The following AP5Z1 variants were observed in gnomAD, a reference collection of about 807,000 sequenced individuals.
The protein encoded by AP5Z1 is adaptor related protein complex 5 subunit zeta 1.
A neutral mutation model predicts 83.0 loss-of-function variants in AP5Z1; 106 were observed. The ratio of observed to expected loss-of-function variants is 1.28; its 90% CI spans 1.09 to 1.50. AP5Z1 has a LOEUF of 1.50. Among genes scored for constraint, AP5Z1 ranks in the 40% most tolerant of loss-of-function variants. The probability of loss-of-function intolerance (pLI) is 0.00; values close to 1 mark genes in which losing one functional copy is unlikely to be tolerated. For missense variants in AP5Z1, 1,565 were observed against 1,094.2 expected (o/e 1.43, Z -6.07); for synonymous variants, 751 against 514.1 (o/e 1.46, Z -6.23).
In AP5Z1 at chr7:4,784,964, G is replaced by T. The variant is rs753059791; in HGVS notation, c.847G>T (p.Ala283Ser). Residue 283 changes from alanine (A) to serine (S), a missense_variant, in exon 7 of 17, where the codon GCC becomes TCC. Ala to Ser is a moderately conservative substitution (Grantham distance 99). Coordinates refer to ENST00000649063, the MANE Select transcript of AP5Z1 (RefSeq NM_014855.3). ...TLSVISATSS[A>S]GRLLPPRERL... ...GTCGGTGATCTCCGCCACCTCCTCT[G>T]CCGGCCGCCTGCTGCCGCCCCGGGA... The T allele has an allele frequency of 1.9e-6, 3 of 1,612,086 alleles. No individual in the cohort carries two copies. The East Asian group carries it at 6.7e-5, about 36-fold the overall frequency.
At position 4,788,265 on chromosome 7, in the gene AP5Z1, G is replaced by A. The variant is rs563984280; in HGVS notation, c.1566G>A (p.Leu522=). The A allele has an allele frequency of 1.3e-5, 20 of 1,590,954 alleles. No individual in the cohort carries two copies. The Admixed American group carries it at 1.9e-4, about 15-fold the overall frequency. ...TCCAGGGTCTTTTCCAATACCTGCT[G>A]CGCCCCAAGGCCAGTGGCGCCACTG... is the stretch of plus-strand genomic sequence containing the variant. ...PQFQGLFQYL[L]RPKASGATER... The change falls in exon 12 of 17, where the codon CTG becomes CTA. Residue 522 remains leucine (L), a synonymous_variant. Coordinates refer to ENST00000649063, the MANE Select transcript of AP5Z1 (RefSeq NM_014855.3).
rs750707781 is a variant in AP5Z1 at position 4,784,346 on chromosome 7, C to T, written c.765C>T (p.Pro255=). ...GGGCGTGGCTGCTGCACAGCGGCCC[C>T]GAGGGCCCGGGCACCCTGGACACAG... ...MLRAWLLHSG[P]EGPGTLDTDD... is the part of the protein sequence containing the mutation. The change falls in exon 6 of 17, where the codon CCC becomes CCT. Residue 255 remains proline (P), a synonymous_variant. Coordinates refer to ENST00000649063, the MANE Select transcript of AP5Z1 (RefSeq NM_014855.3). The T allele has an allele frequency of 3.7e-5, 59 of 1,590,642 alleles. No homozygotes were observed. Among genetic ancestry groups the T allele is most frequent in the Middle Eastern group, 1.7e-4 (1 of 6,030 alleles).
intron 13 of AP5Z1, among the ~76,000 whole-genome samples, chr7:4,789,545 C>G (rs143842869): frequency 1.2e-3 from 177 of 152,334 alleles, no homozygotes; most frequent in African/African-American, 3.9e-3. Flanking sequence ...TGGGCGCACC[C>G]TTGGCCAAAC....
rs756486052 is a variant in AP5Z1, at chr7:4,788,197, C to T, written c.1498C>T (p.Leu500Phe). ...CGAGAGGCCACTCTGGGACACCTCT[C>T]TCAGGGCCCCCAGCTGCCTGGAGGC... ...ASERPLWDTS[L>F]RAPSCLEAFR... Residue 500 changes from leucine to phenylalanine, a missense_variant, in exon 12 of 17, where the codon CTC (leucine) becomes TTC (phenylalanine). Coordinates refer to ENST00000649063, the MANE Select transcript of AP5Z1 (RefSeq NM_014855.3). 23 of 1,561,470 alleles carry T rather than the reference C, an allele frequency of 1.5e-5. No individual in the cohort carries two copies. The highest frequency in any genetic ancestry group is 5.9e-5 in the South Asian group (5 of 84,830).
chr7:4,791,693 C>G lies in AP5Z1; in HGVS notation c.*308C>G. The G allele has an allele frequency of 8.6e-6, 4 of 463,134 alleles. No homozygotes were observed. In the South Asian group the frequency reaches 1.2e-4, roughly 14 times the overall value. 28.7% of individuals were successfully genotyped at this position (463,134 alleles called of 1,614,324 possible). A position where few individuals can be genotyped will look rare whatever the true frequency, so the allele number is the denominator to read the frequency against. ...GAGGCTGCTGGGTCTGTTTCCTAGT[C>G]TTTTGTTTTTGGACAGTTGATGGGC... is the stretch of plus-strand genomic sequence containing the variant. On this transcript the variant is annotated 3_prime_UTR_variant, in exon 17 of 17. Transcript: ENST00000649063.
In AP5Z1 at chr7:4,790,487, T is replaced by TGTAC. The variant is rs1781727085; in HGVS notation, c.1836_1839dup (p.Leu614TyrfsTer150). ...GCTGAGTTCTCAGTTCCTGGCCCTGTGTACGCTGAAACCCTCCCTGGTGGT... is the reference window on the plus strand; with the variant it reads ...GCTGAGTTCTCAGTTCCTGGCCCTGTGTACGTACGCTGAAACCCTCCCTGGTGGT... On this transcript the variant is annotated frameshift_variant, in exon 15 of 17. Coordinates refer to ENST00000649063, the MANE Select transcript of AP5Z1 (RefSeq NM_014855.3). LOFTEE classifies it high-confidence loss of function. The TGTAC allele has an allele frequency of 6.2e-7, 1 of 1,613,172 alleles. No homozygotes were observed.
Position 4,785,510 on chromosome 7 carries a change from C to G in AP5Z1, c.970-12C>G, listed in dbSNP as rs372506896. The G allele has an allele frequency of 1.3e-4, 206 of 1,613,404 alleles. No individual in the cohort carries two copies. The highest frequency in any genetic ancestry group is 1.7e-4 in the Non-Finnish European group (201 of 1,179,736). ...GCGACTCGGCCCATTTGATGTGGTC[C>G]ATGTCCCGCAGTGCCTGGTGGAGGC... On this transcript the variant is annotated splice_polypyrimidine_tract_variant and intron_variant, in intron 8 of 16. Transcript: ENST00000649063.
chr7:4,785,729 C>A, intron 9 of AP5Z1, 45 bp downstream of exon 9: 1 of 1,399,660 alleles, frequency 7.1e-7, no homozygotes, highest in East Asian at 2.6e-5. Flanking sequence ...TCTGCTTCTG[C>A]CTTTAGTTTT....
At position 4,791,575 on chromosome 7, in the gene AP5Z1, A is replaced by C. The variant is rs1232009202; in HGVS notation, c.*190A>C. 3.5e-6 allele frequency: 3 copies of C among 845,506 alleles called. No individual in the cohort carries two copies. In the East Asian group the frequency reaches 8.1e-5, roughly 23 times the overall value. The allele number at this position is 845,506 out of a possible 1,614,324, so 52.4% of individuals were successfully genotyped here. On this transcript the variant is annotated 3_prime_UTR_variant, in exon 17 of 17. Transcript: ENST00000649063. ...GCTCACCCTCTGGGCTTTGTCTCCG[A>C]GCCTTTTGCTCCCAGGCAACACTGA...
intron 1 of AP5Z1, among the ~76,000 whole-genome samples, chr7:4,776,562 C>CAAAAAA (rs55916241): frequency 1.2e-5 from 1 of 82,414 alleles, no homozygotes; most frequent in African/African-American, 3.3e-5. Context: ...ACTGAAAATA[C>CAAAAAA]AAAAAAAAAA....
rs563984280 is a variant in AP5Z1, at chr7:4,788,265, G to T, written c.1566G>T (p.Leu522=). The change falls in exon 12 of 17, where the codon CTG becomes CTT. Residue 522 remains leucine, a synonymous_variant. Transcript: ENST00000649063. ...TCCAGGGTCTTTTCCAATACCTGCT[G>T]CGCCCCAAGGCCAGTGGCGCCACTG... ...PQFQGLFQYL[L]RPKASGATER... 2.3e-4 allele frequency: 366 copies of T among 1,590,954 alleles called. 4 individuals carry two copies. The South Asian group carries it at 4.0e-3, about 18-fold the overall frequency.
At position 4,790,662 on chromosome 7, in the gene AP5Z1, C is replaced by T. The variant is rs377395124; in HGVS notation, c.1939-11C>T. The T allele has an allele frequency of 1.6e-5, 26 of 1,612,240 alleles. No homozygotes were observed. The East Asian group carries it at 2.7e-4, about 17-fold the overall frequency. On this transcript the variant is annotated splice_polypyrimidine_tract_variant and intron_variant, in intron 15 of 16. Transcript: ENST00000649063. The stretch of plus-strand genomic sequence containing the variant: ...CCTGGGTGGGGGCTGAATCTCTGTC[C>T]CCGGGCCTAGGTGTGGGCCATCGGC...
Position 4,784,329 on chromosome 7 carries a change from C to G in AP5Z1, c.748C>G (p.Leu250Val). 1 of 1,599,662 alleles carries G rather than the reference C, an allele frequency of 6.3e-7. No individual in the cohort carries two copies. The highest frequency in any genetic ancestry group is 8.5e-7 in the Non-Finnish European group (1 of 1,174,478). Residue 250 changes from leucine (L) to valine (V), a missense_variant, in exon 6 of 17, where the codon CTG (leucine) becomes GTG (valine). Leu to Val is a conservative substitution (Grantham distance 32). Transcript: ENST00000649063. Reference protein sequence around the residue: ...VQAFSMLRAWLLHSGPEGPGT... With the variant: ...VQAFSMLRAWVLHSGPEGPGT... ...GGCCTTCTCTATGCTGCGGGCGTGG[C>G]TGCTGCACAGCGGCCCCGAGGGCCC...
intron 1 of AP5Z1, among the ~76,000 whole-genome samples, chr7:4,778,875 CA>C (rs1463959029): frequency 1.4e-5 from 2 of 140,636 alleles, no homozygotes; most frequent in Admixed American, 7.3e-5. Flanking sequence ...TATATATAAT[CA>C]AAAAAAGAAT....
At chr7:4,781,546 C>A in intron 2 of AP5Z1, 22 bp from the exon 3 acceptor site, 1 of 1,600,320 alleles carries the variant, frequency 6.2e-7, no homozygotes, top group Non-Finnish European at 8.5e-7. Context: ...TTACCGCCCA[C>A]CACGGGCATC....
Position 4,791,484 on chromosome 7 carries a change from C to T in AP5Z1, c.*99C>T, listed in dbSNP as rs575436631. The T allele has an allele frequency of 4.4e-5, 65 of 1,461,018 alleles. 1 individual carries two copies. In the African/African-American group the frequency reaches 5.4e-4, roughly 12 times the overall value. The allele number at this position is 1,461,018 out of a possible 1,614,324, so 90.5% of individuals were successfully genotyped here. A position where few individuals can be genotyped will look rare whatever the true frequency, so the allele number is the denominator to read the frequency against. ...AGGAGCTCAGGAGGGCGCGGGAGTCCTGGGAGAGGAGGCAAGGCCCACGGT... is the reference window on the plus strand; with the variant it reads ...AGGAGCTCAGGAGGGCGCGGGAGTCTTGGGAGAGGAGGCAAGGCCCACGGT... On this transcript the variant is annotated 3_prime_UTR_variant, in exon 17 of 17. Coordinates refer to ENST00000649063, the MANE Select transcript of AP5Z1 (RefSeq NM_014855.3).
Position 4,791,235 on chromosome 7 carries a change from G to A in AP5Z1, c.2274G>A (p.Leu758=), listed in dbSNP as rs965077399. 1.2e-5 allele frequency: 19 copies of A among 1,612,692 alleles called. No individual in the cohort carries two copies. The highest frequency in any genetic ancestry group is 1.6e-5 in the Non-Finnish European group (19 of 1,179,876). Reference sequence around the variant, plus strand: ...GGGCCACAGAGCTGCTGACCCTGCTGAAGATGCCTAGCGTGGCCCAGTTTG... The same window carrying A: ...GGGCCACAGAGCTGCTGACCCTGCTAAAGATGCCTAGCGTGGCCCAGTTTG... ...RTRATELLTL[L]KMPSVAQFVL... is the part of the protein sequence containing the mutation. Residue 758 remains leucine, a synonymous_variant, in exon 17 of 17, where the codon CTG becomes CTA. Transcript: ENST00000649063.
chr7:4,783,394 AG>A lies in AP5Z1; in HGVS notation c.446del (p.Ser149ThrfsTer70). 6.2e-7 allele frequency: 1 copy of A among 1,613,268 alleles called. No individual in the cohort carries two copies. The highest frequency in any genetic ancestry group is 8.5e-7 in the Non-Finnish European group (1 of 1,179,804). On this transcript the variant is annotated frameshift_variant, in exon 4 of 17. Transcript: ENST00000649063. LOFTEE classifies it high-confidence loss of function. ...GGAGAGCCGGCAGCCTGAGGGACCCAGCCTCAGACACCTCCTCCCCGTCATG... is the reference window on the plus strand; with the variant it reads ...GGAGAGCCGGCAGCCTGAGGGACCCACCTCAGACACCTCCTCCCCGTCATG... ...ALESRQPEGPSLRHLLPVMAK... is the reference protein window; with the variant it reads ...ALESRQPEGPXLRHLLPVMAK...
At chr7:4,790,960 C>T (rs1470819074) in intron 16 of AP5Z1, 73 bp downstream of exon 16, 2 of 1,493,892 alleles carry the variant, frequency 1.3e-6, no homozygotes, top group Non-Finnish European at 1.8e-6. Flanking sequence ...TCTTCCCATC[C>T]AGGTGTTGTG....
Sources: allele counts gnomAD v4.1 joint callset (sites outside exome capture counted in the v4.1 genomes callset), GRCh38; gene constraint gnomAD v4.1.1; transcripts MANE v1.5; gene names NCBI Gene and HGNC (gene_info 2026-07-23, HGNC 2026-07-21).